The following CD28 variants were observed in gnomAD, a reference collection of about 807,000 sequenced individuals.
CD28 encodes the protein CD28 molecule, also known as T-cell-specific surface glycoprotein CD28.
CD28 carries 8 observed loss-of-function variants against 21.4 expected under a neutral mutation model. The observed-to-expected ratio is 0.37, with a 90% CI of 0.22 to 0.68. The LOEUF is 0.68. Ranked by LOEUF, CD28 falls within the 30% of genes least tolerant of loss-of-function variation. The pLI is 0.55. For synonymous variants in CD28, 106 were observed against 104.0 expected, an observed-to-expected ratio of 1.02 and a Z score of -0.12; for missense variants, 239 against 272.2, an observed-to-expected ratio of 0.88 and a Z score of 0.86.
chr2:203,708,746 G>T (rs1256151376), intron 1 of CD28, among the ~76,000 whole-genome samples: 1 of 152,204 alleles, frequency 6.6e-6, no homozygotes, highest in East Asian at 1.9e-4. Context: ...ATCTAATGAA[G>T]AAGGAAAGAG....
intron 1 of CD28, among the ~76,000 whole-genome samples, chr2:203,708,446 T>A (rs986172188): frequency 2.0e-5 from 3 of 152,236 alleles, no homozygotes; most frequent in Admixed American, 1.3e-4. Flanking sequence ...AAGGGAAGCC[T>A]ACCCTGACTG....
At chr2:203,730,989 C>T (rs1482516561) in intron 3 of CD28, among the ~76,000 whole-genome samples, 1 of 152,202 alleles carries the variant, frequency 6.6e-6, no homozygotes, top group Non-Finnish European at 1.5e-5. Context: ...GGCCTATTGC[C>T]AAAGCTTACC....
rs1693980985 is a variant in CD28 at position 203,734,793 on chromosome 2, A to G, written c.544A>G (p.Lys182Glu). The change falls in exon 4 of 4, where the codon AAG becomes GAG. Residue 182 changes from lysine (K) to glutamate (E), a missense_variant. By Grantham distance (56) the Lys-to-Glu change is moderately conservative. Coordinates refer to ENST00000324106, the MANE Select transcript of CD28 (RefSeq NM_006139.4). ...VAFIIFWVRS[K>E]RSRLLHSDYM... ...CTTCTCTTTCCTGCAGGTGAGGAGTAAGAGGAGCAGGCTCCTGCACAGTGA... is the reference window on the plus strand; with the variant it reads ...CTTCTCTTTCCTGCAGGTGAGGAGTGAGAGGAGCAGGCTCCTGCACAGTGA... 5 of 1,614,092 alleles carry G rather than the reference A, an allele frequency of 3.1e-6. No individual in the cohort carries two copies. The highest frequency in any genetic ancestry group is 1.3e-5 in the African/African-American group (1 of 74,940).
Position 203,735,002 on chromosome 2 carries a change from C to A in CD28, c.*90C>A. On this transcript the variant is annotated 3_prime_UTR_variant, in exon 4 of 4. Coordinates refer to ENST00000324106, the MANE Select transcript of CD28 (RefSeq NM_006139.4). The stretch of plus-strand genomic sequence containing the variant: ...ATAGGAAATGACCGCCATCTCCAGC[C>A]GGCCACCTCAGGCCCCTGTTGGGCC... 6.6e-7 allele frequency: 1 copy of A among 1,511,932 alleles called. No individual in the cohort carries two copies. 93.7% of individuals were successfully genotyped at this position (1,511,932 alleles called of 1,614,324 possible). A position where few individuals can be genotyped will look rare whatever the true frequency, so the allele number is the denominator to read the frequency against.
At chr2:203,734,626 G>A (rs1265172961) in intron 3 of CD28, among the ~76,000 whole-genome samples, 158 bp from the exon 4 acceptor site, 2 of 152,192 alleles carry the variant, frequency 1.3e-5, no homozygotes, top group Non-Finnish European at 2.9e-5. Context: ...CAGTAGTTGG[G>A]TGTGATTAGT....
At chr2:203,719,993 GT>G (rs542917157) in intron 1 of CD28, among the ~76,000 whole-genome samples, 2 of 150,858 alleles carry the variant, frequency 1.3e-5, no homozygotes, top group Non-Finnish European at 3.0e-5. Context: ...GGCAAGAGTT[GT>G]TTTTTTTTGT....
At chr2:203,717,326 T>G (rs1693485715) in intron 1 of CD28, among the ~76,000 whole-genome samples, 1 of 152,216 alleles carries the variant, frequency 6.6e-6, no homozygotes, top group Admixed American at 6.5e-5. Flanking sequence ...CCAAAGCTGG[T>G]TGCTTGGTCT....
intron 1 of CD28, among the ~76,000 whole-genome samples, chr2:203,725,252 T>C (rs1363345753): frequency 6.6e-6 from 1 of 150,676 alleles, no homozygotes; most frequent in Non-Finnish European, 1.5e-5. Context: ...ATCGCACCAT[T>C]GCACTCCAGC....
intron 1 of CD28, among the ~76,000 whole-genome samples, chr2:203,725,260 A>G (rs1693712606): frequency 1.3e-5 from 2 of 151,302 alleles, no homozygotes; most frequent in South Asian, 4.2e-4. Context: ...ATTGCACTCC[A>G]GCCTGGGCAA....
rs1203841121 is a variant in CD28 at position 203,738,412 on chromosome 2, G to C, written c.*3500G>C. The C allele has an allele frequency of 1.3e-5, 2 of 152,178 alleles. No individual in the cohort carries two copies. The highest frequency in any genetic ancestry group is 2.9e-5 in the Non-Finnish European group (2 of 68,040). The allele number at this position is 152,178 out of a possible 1,614,324, so 9.4% of individuals were successfully genotyped here. A position where few individuals can be genotyped will look rare whatever the true frequency, so the allele number is the denominator to read the frequency against. ...AGGACCCAGAACCAGGATCTTGATTGCTATAGACTTATTAATAATCCAGGT... is the reference window on the plus strand; with the variant it reads ...AGGACCCAGAACCAGGATCTTGATTCCTATAGACTTATTAATAATCCAGGT... On this transcript the variant is annotated 3_prime_UTR_variant, in exon 4 of 4. Transcript: ENST00000324106.
chr2:203,711,329 C>T (rs1017040610), intron 1 of CD28, among the ~76,000 whole-genome samples: 1 of 152,178 alleles, frequency 6.6e-6, no homozygotes, highest in Non-Finnish European at 1.5e-5. Flanking sequence ...AAGAACTACT[C>T]AGTCATTTGG....
intron 1 of CD28, among the ~76,000 whole-genome samples, chr2:203,725,325 T>C (rs1581511663): frequency 6.7e-6 from 1 of 149,704 alleles, no homozygotes; most frequent in African/African-American, 2.5e-5. Context: ...TTTTGGAAGG[T>C]GTCTTGGTTG....
intron 1 of CD28, among the ~76,000 whole-genome samples, chr2:203,716,763 G>A (rs1289564937): frequency 6.6e-6 from 1 of 152,192 alleles, no homozygotes; most frequent in Non-Finnish European, 1.5e-5. Context: ...GTGTCTGCCT[G>A]TGTAGGAACA....
intron 1 of CD28, among the ~76,000 whole-genome samples, chr2:203,719,673 A>T (rs1362685931): frequency 6.6e-6 from 1 of 152,202 alleles, no homozygotes; most frequent in African/African-American, 2.4e-5. Context: ...GATGGGCATA[A>T]AGATGACTGT....
intron 2 of CD28, among the ~76,000 whole-genome samples, chr2:203,728,212 A>C (rs1581514774): frequency 6.6e-6 from 1 of 152,342 alleles, no homozygotes; most frequent in Admixed American, 6.5e-5. Flanking sequence ...TAAGTCACCT[A>C]ACTTTTTCAT....
At chr2:203,708,965 CA>C (rs1406702146) in intron 1 of CD28, among the ~76,000 whole-genome samples, 1 of 151,862 alleles carries the variant, frequency 6.6e-6, no homozygotes, top group Non-Finnish European at 1.5e-5. Context: ...ACTAAAAATA[CA>C]AAAAAATTAG....
chr2:203,715,241 A>G (rs1433608171), intron 1 of CD28, among the ~76,000 whole-genome samples: 18 of 152,156 alleles, frequency 1.2e-4, no homozygotes, highest in Non-Finnish European at 8.8e-5. Context: ...CTGAATTACT[A>G]TAATAATATA....
At chr2:203,712,701 A>G (rs920708246) in intron 1 of CD28, among the ~76,000 whole-genome samples, 31 of 152,264 alleles carry the variant, frequency 2.0e-4, no homozygotes, top group African/African-American at 5.8e-4. Context: ...AAAATGAGGA[A>G]GCATAAAATA....
At chr2:203,708,260 C>T (rs1353163176) in intron 1 of CD28, among the ~76,000 whole-genome samples, 1 of 152,018 alleles carries the variant, frequency 6.6e-6, no homozygotes, top group Non-Finnish European at 1.5e-5. Flanking sequence ...ATTTATAAAA[C>T]GTGTTGATAT....
Sources: allele counts gnomAD v4.1 joint callset (sites outside exome capture counted in the v4.1 genomes callset), GRCh38; gene constraint gnomAD v4.1.1; transcripts MANE v1.5; gene names NCBI Gene and HGNC (gene_info 2026-07-23, HGNC 2026-07-21).